The following SHISA7 variants were observed in gnomAD, a reference collection of about 807,000 sequenced individuals.
SHISA7 encodes the protein protein shisa-7.
Under a neutral mutation model 23.9 loss-of-function variants are expected in SHISA7, and 6 were observed. That is an observed-to-expected ratio of 0.25 (90% CI 0.14 to 0.50). The LOEUF is 0.50. Among genes scored for constraint, SHISA7 ranks in the 20% least tolerant of loss-of-function variants. The probability of loss-of-function intolerance (pLI) is 0.98; values close to 1 mark genes in which losing one functional copy is unlikely to be tolerated. For synonymous variants in SHISA7, 386 were observed against 398.3 expected, an observed-to-expected ratio of 0.97 and a Z score of 0.37; for missense variants, 671 against 801.1, an observed-to-expected ratio of 0.84 and a Z score of 1.96.
At chr19:55,434,861 ATG>A (rs1401228470) in intron 3 of SHISA7, among the ~76,000 whole-genome samples, 1 of 41,390 alleles carries the variant, frequency 2.4e-5, no homozygotes, top group African/African-American at 9.4e-5. Flanking sequence ...GTGTGTGTAT[ATG>A]TGGTGTGTGT....
At chr19:55,435,450 T>A (rs1322783623) in intron 3 of SHISA7, among the ~76,000 whole-genome samples, 1 of 149,396 alleles carries the variant, frequency 6.7e-6, no homozygotes, top group Non-Finnish European at 1.5e-5. Flanking sequence ...AGGATGAGAT[T>A]TAGTTTAAAA....
At chr19:55,437,785 T>C in intron 2 of SHISA7, 31 bp from the exon 3 acceptor site, 1 of 1,537,258 alleles carries the variant, frequency 6.5e-7, no homozygotes, top group South Asian at 1.2e-5. Flanking sequence ...CCAGGGTCAG[T>C]CAGCTTCCTC....
At position 55,442,176 on chromosome 19, in the gene SHISA7, C is replaced by T; in HGVS notation, c.671+17G>A. The T allele has an allele frequency of 6.5e-7, 1 of 1,528,314 alleles. No homozygotes were observed. The highest frequency in any genetic ancestry group is 1.4e-5 in the African/African-American group (1 of 72,438). The allele number at this position is 1,528,314 out of a possible 1,614,324, so 94.7% of individuals were successfully genotyped here. On this transcript the variant is annotated intron_variant, in intron 1 of 3. Transcript: ENST00000376325. ...CCGCCCCAGGCTCGCAGTCCTCCCG[C>T]CCGAGAGCACACGCACCTGGGCACG...
Position 55,432,865 on chromosome 19 carries a change from G to A in SHISA7, c.*291C>T, listed in dbSNP as rs1441640877. Reference sequence around the variant, plus strand: ...TCCTCTGTGATGACCTCATGGGAACGAGGCTTTGTCCCTGTGATGACATCA... The same window carrying A: ...TCCTCTGTGATGACCTCATGGGAACAAGGCTTTGTCCCTGTGATGACATCA... On this transcript the variant is annotated 3_prime_UTR_variant, in exon 4 of 4. Transcript: ENST00000376325. This position sits in a 1 kb window ranked among gnomAD's most constrained non-coding sequence, Gnocchi z 4.6. 16 of 383,640 alleles carry A rather than the reference G, an allele frequency of 4.2e-5. No homozygotes were observed. The highest frequency in any genetic ancestry group is 7.5e-5 in the Non-Finnish European group (16 of 213,004). 23.8% of individuals were successfully genotyped at this position (383,640 alleles called of 1,614,324 possible). A position where few individuals can be genotyped will look rare whatever the true frequency, so the allele number is the denominator to read the frequency against.
Position 55,437,677 on chromosome 19 carries a change from A to C in SHISA7, c.904T>G (p.Ser302Ala), listed in dbSNP as rs1355896566. The C allele has an allele frequency of 6.4e-7, 1 of 1,551,474 alleles. No homozygotes were observed. The highest frequency in any genetic ancestry group is 8.7e-7 in the Non-Finnish European group (1 of 1,146,926). ...GCCTCGTAGGACGGGGGCAGATGCG[A>C]GAGGTTGTGGAAGGACCGAGAGCAG... ...LSCSRSFHNLSHLPPSYEAAV... is the reference protein window; with the variant it reads ...LSCSRSFHNLAHLPPSYEAAV... The change falls in exon 3 of 4, where the codon TCG becomes GCG. Residue 302 changes from serine to alanine, a missense_variant. Transcript: ENST00000376325.
intron 2 of SHISA7, chr19:55,438,457 G>A (rs913978915): frequency 2.9e-6 from 3 of 1,024,570 alleles, no homozygotes; most frequent in African/African-American, 3.3e-5. Context: ...GGCTCACAGG[G>A]GTCTCACTCC....
At chr19:55,442,070 G>T in intron 1 of SHISA7, 123 bp downstream of exon 1, 1 of 1,014,462 alleles carries the variant, frequency 9.9e-7, no homozygotes, top group Non-Finnish European at 1.4e-6. Context: ...TACGCCGGCG[G>T]CCGCCACCTG....
At chr19:55,434,817 G>T (rs1599872056) in intron 3 of SHISA7, among the ~76,000 whole-genome samples, 2 of 85,948 alleles carry the variant, frequency 2.3e-5, no homozygotes, top group Non-Finnish European at 4.5e-5. Context: ...TGTGCATGGT[G>T]TGTATGTGTG....
Position 55,433,763 on chromosome 19 carries a change from C to A in SHISA7, c.1010G>T (p.Arg337Leu), listed in dbSNP as rs988364166. 3 of 1,448,426 alleles carry A rather than the reference C, an allele frequency of 2.1e-6. No homozygotes were observed. The highest frequency in any genetic ancestry group is 1.5e-5 in the African/African-American group (1 of 67,128). 89.7% of individuals were successfully genotyped at this position (1,448,426 alleles called of 1,614,324 possible). Residue 337 changes from arginine (R) to leucine (L), a missense_variant, in exon 4 of 4, where the codon CGC becomes CTC. By Grantham distance (102) the Arg-to-Leu change is moderately radical. Coordinates refer to ENST00000376325, the MANE Select transcript of SHISA7 (RefSeq NM_001145176.2). The surrounding 1 kb of genome is among the most constrained non-coding windows in gnomAD (Gnocchi z 8.4). ...GCCGCGGGGCAATTCCAGGGGCCGG[C>A]GCTTCAGGTAGGCCTCGTCCAGATC... The part of the protein sequence containing the change: ...EKDLDEAYLK[R>L]RPLELPRGTL...
rs1985192689 is a variant in SHISA7, at chr19:55,431,154, C to T, written c.*2002G>A. ...TAGTGGCACATGTTTGAATGAAATC[C>T]TGGGAGGTGGTGGCACATGGTTGAA... On this transcript the variant is annotated 3_prime_UTR_variant, in exon 4 of 4. Coordinates refer to ENST00000376325, the MANE Select transcript of SHISA7 (RefSeq NM_001145176.2). 6.6e-6 allele frequency: 1 copy of T among 152,058 alleles called. No homozygotes were observed. The highest frequency in any genetic ancestry group is 1.5e-5 in the Non-Finnish European group (1 of 68,018). The allele number at this position is 152,058 out of a possible 1,614,324, so 9.4% of individuals were successfully genotyped here. A position where few individuals can be genotyped will look rare whatever the true frequency, so the allele number is the denominator to read the frequency against.
At chr19:55,436,672 G>T (rs1985470431) in intron 3 of SHISA7, among the ~76,000 whole-genome samples, 1 of 151,686 alleles carries the variant, frequency 6.6e-6, no homozygotes, top group Admixed American at 6.6e-5. Context: ...ACTTTGAGAG[G>T]ACGAGGTGGG....
At chr19:55,440,907 C>A in intron 1 of SHISA7, 142 bp from the exon 2 acceptor site, 1 of 775,868 alleles carries the variant, frequency 1.3e-6, no homozygotes, top group Non-Finnish European at 1.7e-6. Context: ...ACGCCCCTTT[C>A]TCGTTGGCCA....
rs1441269913 is a variant in SHISA7 at position 55,433,807 on chromosome 19, AG to A, written c.977-12del. The A allele has an allele frequency of 1.4e-6, 2 of 1,386,758 alleles. No homozygotes were observed. The highest frequency in any genetic ancestry group is 9.3e-7 in the Non-Finnish European group (1 of 1,079,388). 85.9% of individuals were successfully genotyped at this position (1,386,758 alleles called of 1,614,324 possible). ...CCAGATCCTTCTCGGCTGCGGGGAG[AG>A]GGGGAAAAGCCACAGCCGTGGGTCC... On this transcript the variant is annotated splice_polypyrimidine_tract_variant and intron_variant, in intron 3 of 3. Transcript: ENST00000376325. The surrounding 1 kb of genome is among the most constrained non-coding windows in gnomAD (Gnocchi z 8.4).
At chr19:55,440,483 CA>C (rs907674185) in intron 2 of SHISA7, 127 bp downstream of exon 2, 30 of 900,310 alleles carry the variant, frequency 3.3e-5, no homozygotes, top group Middle Eastern at 2.9e-4. Flanking sequence ...CCCGGCAGTG[CA>C]AGGCGGGCGT....
Position 55,442,334 on chromosome 19 carries a change from C to T in SHISA7, c.530G>A (p.Gly177Glu). 1 of 1,480,424 alleles carries T rather than the reference C, an allele frequency of 6.8e-7. No individual in the cohort carries two copies. The highest frequency in any genetic ancestry group is 8.9e-7 in the Non-Finnish European group (1 of 1,122,532). 91.7% of individuals were successfully genotyped at this position (1,480,424 alleles called of 1,614,324 possible). Residue 177 changes from glycine to glutamate, a missense_variant, in exon 1 of 4, where the codon GGG becomes GAG. Coordinates refer to ENST00000376325, the MANE Select transcript of SHISA7 (RefSeq NM_001145176.2). ...TGTGCTGCCCCCGGGGCCCTCGCCCCCGCGGCCCCCGGCACCCCCAGTCCG... is the reference window on the plus strand; with the variant it reads ...TGTGCTGCCCCCGGGGCCCTCGCCCTCGCGGCCCCCGGCACCCCCAGTCCG... ...GGRTGGAGGR[G>E]GEGPGGSTAY...
At chr19:55,440,910 G>C (rs1257572611) in intron 1 of SHISA7, 145 bp from the exon 2 acceptor site, 1 of 719,840 alleles carries the variant, frequency 1.4e-6, no homozygotes, top group East Asian at 3.4e-5. Flanking sequence ...CCCCTTTCTC[G>C]TTGGCCACGC....
In SHISA7 at chr19:55,434,900, GGT is replaced by G. The variant is rs535562052; in HGVS notation, c.977-1106_977-1105del. 4.0e-3 allele frequency among the ~76,000 whole-genome samples: 503 copies of G among 126,984 alleles called. 6 individuals carry two copies. Among genetic ancestry groups the G allele is most frequent in the African/African-American group, 0.014 (467 of 32,838 alleles). 83.3% of individuals were successfully genotyped at this position (126,984 alleles called of 152,430 possible). A position where few individuals can be genotyped will look rare whatever the true frequency, so the allele number is the denominator to read the frequency against. On this transcript the variant is annotated intron_variant, in intron 3 of 3. Coordinates refer to ENST00000376325, the MANE Select transcript of SHISA7 (RefSeq NM_001145176.2). ...GTGTGTGTGTATATGTGGTGTGTGT[GGT>G]GTGTGTGTATATGTGGTGTGTGTGT... is the stretch of plus-strand genomic sequence containing the variant.
rs1414739225 is a variant in SHISA7 at position 55,433,401 on chromosome 19, G to C, written c.1372C>G (p.Pro458Ala). The C allele has an allele frequency of 3.8e-6, 5 of 1,325,870 alleles. No individual in the cohort carries two copies. The highest frequency in any genetic ancestry group is 4.8e-6 in the Non-Finnish European group (5 of 1,046,464). The allele number at this position is 1,325,870 out of a possible 1,614,324, so 82.1% of individuals were successfully genotyped here. A position where few individuals can be genotyped will look rare whatever the true frequency, so the allele number is the denominator to read the frequency against. The change falls in exon 4 of 4, where the codon CCC becomes GCC. Residue 458 changes from proline (P) to alanine (A), a missense_variant. By Grantham distance (27) the Pro-to-Ala change is conservative. This residue lies in a region of SHISA7 where 457 missense variants were observed against 488.3 expected (regional missense o/e 0.94). Transcript: ENST00000376325. This position sits in a 1 kb window ranked among gnomAD's most constrained non-coding sequence, Gnocchi z 8.4. The stretch of plus-strand genomic sequence containing the variant: ...CGCAGCGGTGTTGGGGGCCCCCCGG[G>C]CCCCAGCAGCAGGTTGGAGTGCGAG... ...AASHSNLLLG[P>A]GGPPTPLRGL... is the part of the protein sequence containing the mutation.
At chr19:55,434,774 GTGTGTA>G (rs1985357365) in intron 3 of SHISA7, among the ~76,000 whole-genome samples, 1 of 117,688 alleles carries the variant, frequency 8.5e-6, no homozygotes, top group Admixed American at 8.6e-5. Context: ...GGTGTGTGGT[GTGTGTA>G]TGGTGTGTGT....
Sources: allele counts gnomAD v4.1 joint callset (sites outside exome capture counted in the v4.1 genomes callset), GRCh38; gene constraint gnomAD v4.1.1; regional missense constraint gnomAD v4.1.1; non-coding constraint Gnocchi (gnomAD v3.1); transcripts MANE v1.5; gene names NCBI Gene and HGNC (gene_info 2026-07-23, HGNC 2026-07-21).